PDE4B: variants seen among roughly 807,000 people sequenced by gnomAD.
PDE4B encodes phosphodiesterase 4B.
In PDE4B, 20 loss-of-function variants were observed where a neutral mutation model predicts 82.2. The ratio of observed to expected loss-of-function variants is 0.24; its 90% confidence interval spans 0.17 to 0.35. The LOEUF is 0.35. Ranked by LOEUF, PDE4B falls within the 10% of genes least tolerant of loss-of-function variation. The probability of loss-of-function intolerance (pLI) is 1.00; values close to 1 mark genes in which losing one functional copy is unlikely to be tolerated. For synonymous variants in PDE4B, 320 were observed against 318.9 expected, an observed-to-expected ratio of 1.00 and a Z score of -0.04; for missense variants, 655 against 907.2, an observed-to-expected ratio of 0.72 and a Z score of 3.57.
At chr1:66,264,850 G>A (rs1289632519) in intron 6 of PDE4B, among the ~76,000 whole-genome samples, 4 of 152,234 alleles carry the variant, frequency 2.6e-5, no homozygotes, top group African/African-American at 7.2e-5. Context: ...ACGCTTGCCT[G>A]TGCAAGAGAA....
intron 8 of PDE4B, among the ~76,000 whole-genome samples, chr1:66,348,202 G>A (rs1463644904): frequency 6.6e-6 from 1 of 152,144 alleles, no homozygotes; most frequent in East Asian, 1.9e-4. Flanking sequence ...GACTCTAGAA[G>A]CTTTCAGTTA....
intron 3 of PDE4B, among the ~76,000 whole-genome samples, chr1:65,980,815 A>G (rs1650645633): frequency 6.6e-6 from 1 of 152,206 alleles, no homozygotes. Context: ...ACTTTATAGT[A>G]TCTTCTAAAA....
intron 3 of PDE4B, among the ~76,000 whole-genome samples, chr1:66,153,812 T>G (rs1422990211): frequency 6.6e-6 from 1 of 152,132 alleles, no homozygotes; most frequent in African/African-American, 2.4e-5. Flanking sequence ...AGCAGGCTTG[T>G]AGTGGGCTGG....
At chr1:66,059,473 C>G (rs931495135) in intron 3 of PDE4B, among the ~76,000 whole-genome samples, 1 of 152,134 alleles carries the variant, frequency 6.6e-6, no homozygotes, top group African/African-American at 2.4e-5. Context: ...GGAGACTGGT[C>G]AATTTACAAA....
chr1:65,969,091 G>T (rs140071812), intron 3 of PDE4B, among the ~76,000 whole-genome samples: 3 of 152,248 alleles, frequency 2.0e-5, no homozygotes, highest in Non-Finnish European at 4.4e-5. Context: ...GTCAGGATAA[G>T]CTGGCTATGA....
chr1:66,132,151 C>CT (rs1417038513), intron 3 of PDE4B, among the ~76,000 whole-genome samples: 1 of 152,000 alleles, frequency 6.6e-6, no homozygotes, highest in Non-Finnish European at 1.5e-5. Context: ...TGACATGATC[C>CT]TTTTTTTATA....
intron 3 of PDE4B, among the ~76,000 whole-genome samples, chr1:66,177,590 CAA>C (rs1403410149): frequency 6.6e-6 from 1 of 152,190 alleles, no homozygotes; most frequent in Admixed American, 6.5e-5. Context: ...CTGACAGCAG[CAA>C]AGTTTCAAAG....
chr1:66,046,110 T>A (rs748626917), intron 3 of PDE4B: 3 of 151,820 alleles, frequency 2.0e-5, no homozygotes, highest in Non-Finnish European at 4.4e-5. Context: ...ATTGTTGTCA[T>A]CTGAGCTGGA....
At chr1:66,358,525 A>G (rs1411436747) in intron 9 of PDE4B, among the ~76,000 whole-genome samples, 1 of 151,896 alleles carries the variant, frequency 6.6e-6, no homozygotes, top group Non-Finnish European at 1.5e-5. Context: ...AAATACAAAA[A>G]TAGCTGGGCA....
intron 7 of PDE4B, chr1:66,266,768 C>A (rs1325170149): frequency 2.0e-6 from 1 of 488,540 alleles, no homozygotes; most frequent in Non-Finnish European, 4.2e-6. Context: ...TGAAATTCTT[C>A]TTCACACAAA....
intron 3 of PDE4B, chr1:65,992,938 C>G: frequency 1.2e-6 from 2 of 1,613,860 alleles, no homozygotes; most frequent in Non-Finnish European, 1.7e-6. Flanking sequence ...AAGGAACTTA[C>G]TGCTTCTGAA....
chr1:66,078,489 T>A (rs1656547430), intron 3 of PDE4B, among the ~76,000 whole-genome samples: 1 of 152,084 alleles, frequency 6.6e-6, no homozygotes, highest in Admixed American at 6.6e-5. Context: ...AGATTACAGG[T>A]GTGACCCACC....
At chr1:65,915,043 C>A (rs1392574722) in intron 2 of PDE4B, among the ~76,000 whole-genome samples, 3 of 152,154 alleles carry the variant, frequency 2.0e-5, no homozygotes, top group Admixed American at 2.0e-4. Flanking sequence ...TTATATTTTG[C>A]ATATGCAAGC....
At chr1:65,929,059 C>T (rs116186174) in intron 3 of PDE4B, among the ~76,000 whole-genome samples, 2,427 of 152,200 alleles carry the variant, frequency 0.016, 56 homozygotes, top group African/African-American at 0.056. Context: ...TCCAGTGTAG[C>T]GCACCTCCTC....
At chr1:66,178,327 C>T (rs2101382644) in intron 3 of PDE4B, among the ~76,000 whole-genome samples, 1 of 152,116 alleles carries the variant, frequency 6.6e-6, no homozygotes, top group Non-Finnish European at 1.5e-5. Flanking sequence ...ATATTAAAAA[C>T]AGGCTGTGGC....
At chr1:66,232,006 C>G (rs950297457) in intron 3 of PDE4B, among the ~76,000 whole-genome samples, 2 of 152,186 alleles carry the variant, frequency 1.3e-5, no homozygotes, top group African/African-American at 4.8e-5. Flanking sequence ...TGGGGACTGT[C>G]CAGCCCGATG....
At position 66,368,776 on chromosome 1, in the gene PDE4B, G is replaced by T. The variant is rs570079723; in HGVS notation, c.1663-11G>T. ...TAATTTTATGAGATTTCCAAAACTTGATGATTTCAGGTCCTTCGCAACATG... is the reference window on the plus strand; with the variant it reads ...TAATTTTATGAGATTTCCAAAACTTTATGATTTCAGGTCCTTCGCAACATG... On this transcript the variant is annotated splice_polypyrimidine_tract_variant and intron_variant, in intron 15 of 16. Transcript: ENST00000341517. 3 of 1,496,194 alleles carry T rather than the reference G, an allele frequency of 2.0e-6. No individual in the cohort carries two copies. The highest frequency in any genetic ancestry group is 2.8e-5 in the African/African-American group (2 of 70,962). The allele number at this position is 1,496,194 out of a possible 1,614,324, so 92.7% of individuals were successfully genotyped here.
intron 3 of PDE4B, among the ~76,000 whole-genome samples, chr1:65,977,739 T>G (rs1039445236): frequency 2.0e-5 from 3 of 152,228 alleles, no homozygotes; most frequent in East Asian, 1.9e-4. Context: ...ATACCATATT[T>G]GCTCTTTGCT....
Position 65,961,944 on chromosome 1 carries a change from G to T in PDE4B, c.281+43109G>T, listed in dbSNP as rs149718257. Among the ~76,000 whole-genome samples, 47 of 152,206 alleles carry T rather than the reference G, an allele frequency of 3.1e-4. 1 individual carries two copies. Among genetic ancestry groups the T allele is most frequent in the African/African-American group, 1.1e-3 (44 of 41,518 alleles). Reference sequence around the variant, plus strand: ...TGCGGCTGAAGAGTCTGTAGCATGCGATTTAACACAGATGCTTCTCCACTT... The same window carrying T: ...TGCGGCTGAAGAGTCTGTAGCATGCTATTTAACACAGATGCTTCTCCACTT... On this transcript the variant is annotated intron_variant, in intron 3 of 16. Coordinates refer to ENST00000341517, the MANE Select transcript of PDE4B (RefSeq NM_002600.4).
Sources: allele counts gnomAD v4.1 joint callset (sites outside exome capture counted in the v4.1 genomes callset), GRCh38; gene constraint gnomAD v4.1.1; transcripts MANE v1.5; gene names NCBI Gene and HGNC (gene_info 2026-07-23, HGNC 2026-07-21).